The following CAMKMT variants were observed in gnomAD, a reference collection of about 807,000 sequenced individuals.
CAMKMT encodes the protein CaM KMT.
In CAMKMT, 53 loss-of-function variants were observed where a neutral mutation model predicts 48.0. That is an observed-to-expected ratio of 1.10 (90% CI 0.89 to 1.39). CAMKMT has a LOEUF of 1.39. Among genes scored for constraint, CAMKMT ranks in the 40% most tolerant of loss-of-function variants. The probability of loss-of-function intolerance (pLI) is 0.00; values close to 1 mark genes in which losing one functional copy is unlikely to be tolerated. For missense variants in CAMKMT, 428 were observed against 402.7 expected, an observed-to-expected ratio of 1.06 and a Z score of -0.54; for synonymous variants, 165 against 152.3, an observed-to-expected ratio of 1.08 and a Z score of -0.61.
chr2:44,519,620 A>G (rs1670998348), intron 3 of CAMKMT, among the ~76,000 whole-genome samples: 1 of 152,242 alleles, frequency 6.6e-6, no homozygotes, highest in Admixed American at 6.5e-5. Context: ...CAGAAAGGAA[A>G]GAGTTGAATT....
At chr2:44,517,353 A>C (rs1380276411) in intron 3 of CAMKMT, among the ~76,000 whole-genome samples, 1 of 152,222 alleles carries the variant, frequency 6.6e-6, no homozygotes, top group Non-Finnish European at 1.5e-5. Flanking sequence ...CTTAAGAATT[A>C]ATGCAATATG....
intron 3 of CAMKMT, among the ~76,000 whole-genome samples, chr2:44,542,537 A>T (rs7557749): frequency 0.24 from 15,834 of 66,576 alleles, 1,028 homozygotes; most frequent in African/African-American, 0.3. Flanking sequence ...ACACACACAC[A>T]CTCTCTCTCT....
chr2:44,728,330 G>C (rs1388058938), intron 7 of CAMKMT, among the ~76,000 whole-genome samples: 1 of 152,146 alleles, frequency 6.6e-6, no homozygotes, highest in East Asian at 1.9e-4. Flanking sequence ...CTAGTATTTT[G>C]TTGAGGATTT....
intron 1 of CAMKMT, among the ~76,000 whole-genome samples, chr2:44,364,449 A>C (rs573233624): frequency 6.6e-6 from 1 of 152,068 alleles, no homozygotes; most frequent in Non-Finnish European, 1.5e-5. Context: ...ATATTATTTT[A>C]TGATCATGTG....
At chr2:44,401,116 G>C (rs1012602217) in intron 3 of CAMKMT, 1 of 151,956 alleles carries the variant, frequency 6.6e-6, no homozygotes, top group Admixed American at 6.6e-5. Context: ...CAACTTTGAA[G>C]TACAAAGTAG....
intron 3 of CAMKMT, among the ~76,000 whole-genome samples, chr2:44,611,140 A>G (rs1053058635): frequency 6.6e-6 from 1 of 152,132 alleles, no homozygotes; most frequent in African/African-American, 2.4e-5. Context: ...TTTAAAGAGT[A>G]TCTACTCAGG....
chr2:44,363,688 C>CT (rs577698393), intron 1 of CAMKMT, among the ~76,000 whole-genome samples: 7,722 of 127,792 alleles, frequency 0.06, 321 homozygotes, highest in South Asian at 0.13. Context: ...CAACCCCCTT[C>CT]TTTTTTTTTT....
intron 2 of CAMKMT, among the ~76,000 whole-genome samples, chr2:44,375,211 C>A (rs1679562419): frequency 6.6e-6 from 1 of 151,108 alleles, no homozygotes; most frequent in African/African-American, 2.4e-5. Flanking sequence ...CTTGGAATAG[C>A]CCAAAGCAGT....
intron 3 of CAMKMT, among the ~76,000 whole-genome samples, chr2:44,558,320 G>C (rs1478788361): frequency 1.3e-5 from 2 of 152,172 alleles, no homozygotes; most frequent in Non-Finnish European, 2.9e-5. Context: ...GATTACGAGA[G>C]TGAGCCACTG....
chr2:44,628,346 T>C (rs947326536), intron 3 of CAMKMT, among the ~76,000 whole-genome samples: 1 of 152,138 alleles, frequency 6.6e-6, no homozygotes, highest in African/African-American at 2.4e-5. Context: ...TGGCTTTTTG[T>C]TTCATTGTTT....
chr2:44,688,416 G>A (rs1676457758), intron 3 of CAMKMT, among the ~76,000 whole-genome samples: 2 of 151,778 alleles, frequency 1.3e-5, no homozygotes, highest in Admixed American at 1.3e-4. Context: ...GGAGATACAG[G>A]AAGGACAGAG....
chr2:44,711,939 G>A (rs1268968593), intron 6 of CAMKMT, among the ~76,000 whole-genome samples: 3 of 151,942 alleles, frequency 2.0e-5, no homozygotes, highest in African/African-American at 4.8e-5. Flanking sequence ...ATGTTTTTTC[G>A]ACTTAAACCA....
intron 3 of CAMKMT, among the ~76,000 whole-genome samples, chr2:44,666,412 C>T (rs1401967523): frequency 1.3e-5 from 2 of 152,008 alleles, no homozygotes; most frequent in Non-Finnish European, 1.5e-5. Context: ...GTCCAGGACC[C>T]CCCCGAGCCC....
At chr2:44,461,684 A>G (rs1467576633) in intron 3 of CAMKMT, among the ~76,000 whole-genome samples, 4 of 152,242 alleles carry the variant, frequency 2.6e-5, no homozygotes, top group Admixed American at 2.6e-4. Context: ...GACTACTATT[A>G]TATGTTTAAA....
intron 3 of CAMKMT, among the ~76,000 whole-genome samples, chr2:44,615,273 G>T (rs1671823847): frequency 6.6e-6 from 1 of 151,984 alleles, no homozygotes; most frequent in African/African-American, 2.4e-5. Flanking sequence ...TCACATCAGG[G>T]GGTTTGCATT....
chr2:44,697,280 C>G (rs1048422677), intron 3 of CAMKMT, among the ~76,000 whole-genome samples: 2 of 151,786 alleles, frequency 1.3e-5, no homozygotes, highest in East Asian at 3.9e-4. Context: ...GGGAATAAAC[C>G]AAGAAAGAGG....
At chr2:44,617,553 C>T (rs1212284364) in intron 3 of CAMKMT, among the ~76,000 whole-genome samples, 1 of 152,190 alleles carries the variant, frequency 6.6e-6, no homozygotes, top group African/African-American at 2.4e-5. Flanking sequence ...CTCTAATCTT[C>T]AAGATGGGAG....
rs1256999622 is a variant in CAMKMT at position 44,546,200 on chromosome 2, C to CAT, written c.376+155896_376+155897insTA. Among the ~76,000 whole-genome samples the CAT allele has an allele frequency of 6.6e-4, 95 of 143,540 alleles. 1 individual carries two copies. The highest frequency in any genetic ancestry group is 1.4e-3 in the Admixed American group (19 of 13,360). The allele number at this position is 143,540 out of a possible 152,430, so 94.2% of individuals were successfully genotyped here. On this transcript the variant is annotated intron_variant, in intron 3 of 10. Transcript: ENST00000378494. ...ACACACACACACACACACACACACA[C>CAT]ACATACATGCACATACCCCTATACC...
intron 3 of CAMKMT, among the ~76,000 whole-genome samples, chr2:44,426,001 G>A (rs1163717590): frequency 1.3e-5 from 2 of 152,148 alleles, no homozygotes; most frequent in South Asian, 2.1e-4. Context: ...AAAGTGCTGG[G>A]ATTACAGGCG....
Sources: gnomAD v4.1 joint callset for allele counts (sites outside exome capture counted in the v4.1 genomes callset) on GRCh38, gnomAD v4.1.1 for gene constraint, MANE v1.5 for transcripts, NCBI Gene and HGNC (gene_info 2026-07-23, HGNC 2026-07-21) for gene names.